SYCP2L: variants seen among roughly 807,000 people sequenced by gnomAD.
SYCP2L encodes the protein synaptonemal complex protein 2-like.
Under a neutral mutation model 125.8 loss-of-function variants are expected in SYCP2L, and 98 were observed. That is an observed-to-expected ratio of 0.78 (90% CI 0.66 to 0.92). The LOEUF is 0.92. Ranked by LOEUF, SYCP2L falls within the 40% of genes least tolerant of loss-of-function variation. The pLI, the probability that SYCP2L is intolerant of heterozygous loss-of-function variation, is 0.00. For missense variants in SYCP2L, 842 were observed against 936.4 expected (o/e 0.90, Z 1.32); for synonymous variants, 317 against 325.4 (o/e 0.97, Z 0.28).
At chr6:10,966,445 C>T (rs577936339) in intron 29 of SYCP2L, among the ~76,000 whole-genome samples, 15 of 152,256 alleles carry the variant, frequency 9.9e-5, no homozygotes, top group East Asian at 3.9e-4. Context: ...TCTGCTTAAT[C>T]GTGAAATTCT....
In SYCP2L at chr6:10,894,214, C is replaced by T. The variant is rs1398139693; in HGVS notation, c.336+10C>T. ...GGGACTGATCCCAAAGATAAGTGTC[C>T]TATTTTAATTTTATATGGCTTTGGG... On this transcript the variant is annotated intron_variant, in intron 4 of 29. Transcript: ENST00000283141. 1 of 1,610,552 alleles carries T rather than the reference C, an allele frequency of 6.2e-7. No homozygotes were observed. Among genetic ancestry groups the T allele is most frequent in the Non-Finnish European group, 8.5e-7 (1 of 1,179,432 alleles).
intron 8 of SYCP2L, among the ~76,000 whole-genome samples, chr6:10,905,222 A>C (rs572797969): frequency 2.4e-4 from 37 of 151,876 alleles, no homozygotes; most frequent in Middle Eastern, 3.4e-3. Context: ...GTGAATATAC[A>C]ATTCAGGAGT....
At chr6:10,908,491 C>A (rs1166519832) in intron 10 of SYCP2L, among the ~76,000 whole-genome samples, 1 of 152,082 alleles carries the variant, frequency 6.6e-6, no homozygotes, top group Non-Finnish European at 1.5e-5. Flanking sequence ...TGTCCTCAGG[C>A]TGCACAAAAA....
intron 1 of SYCP2L, among the ~76,000 whole-genome samples, chr6:10,888,283 G>A (rs1282485822): frequency 1.3e-5 from 2 of 151,706 alleles, no homozygotes; most frequent in Non-Finnish European, 2.9e-5. Context: ...TTCTAGTAGA[G>A]ACGGGGTTTC....
At position 10,888,066 on chromosome 6, in the gene SYCP2L, CTTTTTTTTTT is replaced by C. The variant is rs70991066; in HGVS notation, c.9+970_9+979del. Among the ~76,000 whole-genome samples, 118 of 74,296 alleles carry C rather than the reference CTTTTTTTTTT, an allele frequency of 1.6e-3. 6 individuals are homozygous for C. Among genetic ancestry groups the C allele is most frequent in the Admixed American group, 4.6e-3 (25 of 5,434 alleles). The allele number at this position is 74,296 out of a possible 152,430, so 48.7% of individuals were successfully genotyped here. ...AATCCTTCCATATAGGTGTTACCAT[CTTTTTTTTTT>C]TTTTTTTTTTTTTTTTTTTTTTTTT... On this transcript the variant is annotated intron_variant, in intron 1 of 29. Coordinates refer to ENST00000283141, the MANE Select transcript of SYCP2L (RefSeq NM_001040274.3).
At chr6:10,889,743 C>T (rs1267773365) in intron 1 of SYCP2L, among the ~76,000 whole-genome samples, 5 of 151,888 alleles carry the variant, frequency 3.3e-5, no homozygotes, top group East Asian at 1.9e-4. Flanking sequence ...GCTTCAGCCT[C>T]CCCCGTAGCT....
At chr6:10,920,006 T>G (rs756110632) in intron 14 of SYCP2L, among the ~76,000 whole-genome samples, 1 of 152,134 alleles carries the variant, frequency 6.6e-6, no homozygotes, top group African/African-American at 2.4e-5. Context: ...GGACTTGGCA[T>G]GAATGGCATG....
chr6:10,954,949 C>T lies in SYCP2L; in HGVS notation c.1955-167C>T, dbSNP rs143823345. Reference sequence around the variant, plus strand: ...CCCATGTTCAGGTATCAGTAGACATCGTGCTTCGATACTTGGTTTGTGCCT... The same window carrying T: ...CCCATGTTCAGGTATCAGTAGACATTGTGCTTCGATACTTGGTTTGTGCCT... On this transcript the variant is annotated intron_variant, in intron 23 of 29. Coordinates refer to ENST00000283141, the MANE Select transcript of SYCP2L (RefSeq NM_001040274.3). The surrounding 1 kb of genome is among the most constrained non-coding windows in gnomAD (Gnocchi z 4.8). Among the ~76,000 whole-genome samples the T allele has an allele frequency of 7.0e-4, 106 of 152,272 alleles. No individual in the cohort carries two copies. The East Asian group carries it at 0.012, about 18-fold the overall frequency.
chr6:10,966,397 CT>C (rs1292046853), intron 29 of SYCP2L, among the ~76,000 whole-genome samples: 12 of 152,234 alleles, frequency 7.9e-5, no homozygotes, highest in African/African-American at 2.9e-4. Flanking sequence ...CGATTAGTTA[CT>C]CTGTAGTATG....
In SYCP2L at chr6:10,903,301, C is replaced by T. The variant is rs111662396; in HGVS notation, c.641+338C>T. 4.4e-3 allele frequency among the ~76,000 whole-genome samples: 667 copies of T among 152,262 alleles called. 5 individuals carry two copies. Among genetic ancestry groups the T allele is most frequent in the African/African-American group, 0.015 (622 of 41,568 alleles). On this transcript the variant is annotated intron_variant, in intron 8 of 29. Transcript: ENST00000283141. ...TGGTGGCTCACGCCTGTAATCCCAG[C>T]GCTTTGGGAGGCCAAGGCGGGTGGA...
chr6:10,954,986 C>A lies in SYCP2L; in HGVS notation c.1955-130C>A. On this transcript the variant is annotated intron_variant, in intron 23 of 29. Transcript: ENST00000283141. The surrounding 1 kb of genome is among the most constrained non-coding windows in gnomAD (Gnocchi z 4.8). Reference sequence around the variant, plus strand: ...CTTGGTTTGTGCCTAGTCGATGCACCGAATGATAACTCATTAGCAACAGGC... The same window carrying A: ...CTTGGTTTGTGCCTAGTCGATGCACAGAATGATAACTCATTAGCAACAGGC... 1.5e-6 allele frequency: 1 copy of A among 663,636 alleles called. No homozygotes were observed. Among genetic ancestry groups the A allele is most frequent in the Non-Finnish European group, 2.7e-6 (1 of 369,372 alleles). 41.1% of individuals were successfully genotyped at this position (663,636 alleles called of 1,614,324 possible).
chr6:10,959,599 G>A (rs1781562774), intron 26 of SYCP2L, among the ~76,000 whole-genome samples: 1 of 152,224 alleles, frequency 6.6e-6, no homozygotes, highest in Non-Finnish European at 1.5e-5. Flanking sequence ...GCCAGGCGTG[G>A]TGGCTCACGC....
intron 23 of SYCP2L, among the ~76,000 whole-genome samples, chr6:10,953,395 C>CT (rs906818651): frequency 8.8e-4 from 132 of 150,184 alleles, no homozygotes; most frequent in African/African-American, 2.8e-3. Flanking sequence ...CCTTCTGGAA[C>CT]TTTTTTTTTT....
intron 23 of SYCP2L, among the ~76,000 whole-genome samples, chr6:10,943,104 C>T (rs559191570): frequency 6.6e-6 from 1 of 152,188 alleles, no homozygotes; most frequent in Admixed American, 6.5e-5. Flanking sequence ...ATGTAGGTCA[C>T]TTGTGGTTTA....
chr6:10,898,973 C>T, intron 6 of SYCP2L, 125 bp downstream of exon 6: 1 of 678,118 alleles, frequency 1.5e-6, no homozygotes, highest in Non-Finnish European at 2.6e-6. Context: ...GATTTATTGA[C>T]CACCTTATGG....
intron 14 of SYCP2L, among the ~76,000 whole-genome samples, chr6:10,916,423 T>C (rs545529139): frequency 2.0e-5 from 3 of 152,336 alleles, no homozygotes; most frequent in African/African-American, 7.2e-5. Flanking sequence ...TGTCTGTTTG[T>C]GCTCTTTCAG....
At chr6:10,955,007 C>T (rs763982414) in intron 23 of SYCP2L, 109 bp from the exon 24 acceptor site, 1 of 738,518 alleles carries the variant, frequency 1.4e-6, no homozygotes, top group Non-Finnish European at 2.4e-6. Context: ...TCATTAGCAA[C>T]AGGCAGGGGA....
chr6:10,915,789 G>T (rs1391405941), intron 14 of SYCP2L, among the ~76,000 whole-genome samples: 5 of 152,026 alleles, frequency 3.3e-5, no homozygotes, highest in Admixed American at 1.3e-4. Context: ...TTCTTTTTTG[G>T]TAATGTCCCT....
At chr6:10,907,507 G>A in intron 9 of SYCP2L, 35 bp from the exon 10 acceptor site, 1 of 1,580,302 alleles carries the variant, frequency 6.3e-7, no homozygotes, top group East Asian at 2.2e-5. Context: ...TTTGTGCCCA[G>A]AATTATCTAT....
Sources: gnomAD v4.1 joint callset for allele counts (sites outside exome capture counted in the v4.1 genomes callset) on GRCh38, gnomAD v4.1.1 for gene constraint, Gnocchi (gnomAD v3.1) non-coding constraint, MANE v1.5 for transcripts, NCBI Gene and HGNC (gene_info 2026-07-23, HGNC 2026-07-21) for gene names.